Variants in MCTS1 observed in about 807,000 individuals in gnomAD.
MCTS1 encodes MCTS1 re-initiation and release factor.
For missense variants in MCTS1, 55 were observed against 128.6 expected (o/e 0.43, Z 2.77); for synonymous variants, 26 against 40.8 (o/e 0.64, Z 1.38).
At chrX:120,607,148 G>A (rs1199918927) in intron 3 of MCTS1, among the ~76,000 whole-genome samples, 2 of 110,469 alleles carry the variant, frequency 1.8e-5, no homozygotes, top group African/African-American at 3.3e-5. Context: ...AAATTGATAC[G>A]TCATAGCTGT....
intron 3 of MCTS1, among the ~76,000 whole-genome samples, chrX:120,607,279 C>A (rs182623653): frequency 9.0e-4 from 100 of 111,525 alleles, no homozygotes; most frequent in African/African-American, 3.1e-3. Flanking sequence ...ATGATCAAAT[C>A]AGGGTAATTA....
At chrX:120,608,980 A>C (rs1004930932) in intron 4 of MCTS1, among the ~76,000 whole-genome samples, 3 of 111,922 alleles carry the variant, frequency 2.7e-5, no homozygotes, top group African/African-American at 9.7e-5. Flanking sequence ...GATCGATTCA[A>C]CTCATGACAT....
rs149168536 is a variant in MCTS1 at position 120,604,675 on chromosome X, T to G, written c.11+428T>G. 9.8e-4 allele frequency: 1,013 copies of G among 1,034,987 alleles called. 7 individuals carry two copies. In the African/African-American group the frequency reaches 0.016, roughly 17 times the overall value. The allele number at this position is 1,034,987 out of a possible 1,213,427, so 85.3% of individuals were successfully genotyped here. A position where few individuals can be genotyped will look rare whatever the true frequency, so the allele number is the denominator to read the frequency against. On this transcript the variant is annotated intron_variant, in intron 1 of 5. Transcript: ENST00000371317. ...TTCCTGGGTCATGGGAGTGAAGGAG[T>G]CTGGGTGACAGGAAGCAAGCGGCCT...
rs1049663836 is a variant in MCTS1, at chrX:120,617,961, G to C, written c.*5697G>C. ...TTTGGTTCATGGGAAGCCATACTGCGGTGGCTTCCAAGGTTGGCCAACCTG... is the reference window on the plus strand; with the variant it reads ...TTTGGTTCATGGGAAGCCATACTGCCGTGGCTTCCAAGGTTGGCCAACCTG... On this transcript the variant is annotated 3_prime_UTR_variant, in exon 6 of 6. Coordinates refer to ENST00000371317, the MANE Select transcript of MCTS1 (RefSeq NM_014060.3). Among the ~76,000 whole-genome samples the C allele has an allele frequency of 8.9e-6, 1 of 112,244 alleles. No homozygotes were observed. Among genetic ancestry groups the C allele is most frequent in the Admixed American group, 9.4e-5 (1 of 10,602 alleles).
Position 120,604,929 on chromosome X carries a change from C to G in MCTS1, c.12-478C>G, listed in dbSNP as rs1405468929. On this transcript the variant is annotated intron_variant, in intron 1 of 5. Transcript: ENST00000371317. ...TAGGGATCTTAGAAATCATTATTAT[C>G]ATCACTTAAAAAAAATCTCAGCAGA... The G allele has an allele frequency of 1.2e-5, 13 of 1,081,584 alleles. No homozygotes were observed. The East Asian group carries it at 4.6e-4, about 39-fold the overall frequency. The allele number at this position is 1,081,584 out of a possible 1,213,427, so 89.1% of individuals were successfully genotyped here.
Position 120,612,273 on chromosome X carries a change from A to T in MCTS1, c.*9A>T, listed in dbSNP as rs1926705126. 1 of 1,167,690 alleles carries T rather than the reference A, an allele frequency of 8.6e-7. No individual in the cohort carries two copies. The highest frequency in any genetic ancestry group is 1.8e-5 in the African/African-American group (1 of 56,806). On this transcript the variant is annotated 3_prime_UTR_variant, in exon 6 of 6. Coordinates refer to ENST00000371317, the MANE Select transcript of MCTS1 (RefSeq NM_014060.3). ...TGAAGACATATAAATGAGCCTCAGA[A>T]GGAATGCACTTGGGCTAAATATGGA...
In MCTS1 at chrX:120,614,109, C is replaced by T. The variant is rs1235162666; in HGVS notation, c.*1845C>T. Reference sequence around the variant, plus strand: ...GAGAGAGATCATTTGGCTGGCTGTTCCAGCTGGGTCTCCCAGGATGTAACA... The same window carrying T: ...GAGAGAGATCATTTGGCTGGCTGTTTCAGCTGGGTCTCCCAGGATGTAACA... On this transcript the variant is annotated 3_prime_UTR_variant, in exon 6 of 6. Transcript: ENST00000371317. Among the ~76,000 whole-genome samples, 1 of 112,170 alleles carries T rather than the reference C, an allele frequency of 8.9e-6. No homozygotes were observed. The highest frequency in any genetic ancestry group is 1.9e-5 in the Non-Finnish European group (1 of 53,258).
rs2147377858 is a variant in MCTS1 at position 120,616,645 on chromosome X, TTAA to T, written c.*4387_*4389del. On this transcript the variant is annotated 3_prime_UTR_variant, in exon 6 of 6. Transcript: ENST00000371317. ...AGGAGATGATTCACTGGAATGTCTC[TTAA>T]TAATACCATGTTCATTAAGAATAGG... 8.9e-6 allele frequency among the ~76,000 whole-genome samples: 1 copy of T among 112,093 alleles called. No homozygotes were observed. The highest frequency in any genetic ancestry group is 2.8e-4 in the East Asian group (1 of 3,595).
In MCTS1 at chrX:120,614,218, C is replaced by T. The variant is rs775034311; in HGVS notation, c.*1954C>T. On this transcript the variant is annotated 3_prime_UTR_variant, in exon 6 of 6. Transcript: ENST00000371317. ...AAACTTGAGAGACTTGGAGATTCCC[C>T]AGTTAGAATATAAATGTATTAATTC... Among the ~76,000 whole-genome samples, 4 of 112,107 alleles carry T rather than the reference C, an allele frequency of 3.6e-5. No homozygotes were observed. In the East Asian group the frequency reaches 1.1e-3, roughly 31 times the overall value.
chrX:120,609,844 A>G (rs1349649686), intron 4 of MCTS1, among the ~76,000 whole-genome samples: 1 of 112,306 alleles, frequency 8.9e-6, no homozygotes, highest in Admixed American at 9.5e-5. Flanking sequence ...AAAATGGTAC[A>G]GAGAGGTCTT....
At chrX:120,608,552 T>G in intron 4 of MCTS1, 194 bp downstream of exon 4, 7 of 405,324 alleles carry the variant, frequency 1.7e-5, no homozygotes, top group Non-Finnish European at 2.7e-5. Flanking sequence ...TATCTCATCT[T>G]AGGTCGTTTC....
Position 120,617,383 on chromosome X carries a change from G to C in MCTS1, c.*5119G>C, listed in dbSNP as rs1926886972. Among the ~76,000 whole-genome samples, 1 of 111,031 alleles carries C rather than the reference G, an allele frequency of 9.0e-6. No individual in the cohort carries two copies. The highest frequency in any genetic ancestry group is 3.3e-5 in the African/African-American group (1 of 30,534). On this transcript the variant is annotated 3_prime_UTR_variant, in exon 6 of 6. Transcript: ENST00000371317. ...ATTTTTGTATTTTTAGTAGAGACAGGGTTTCACCATGTTGGCCAGGCTGGT... is the reference window on the plus strand; with the variant it reads ...ATTTTTGTATTTTTAGTAGAGACAGCGTTTCACCATGTTGGCCAGGCTGGT...
chrX:120,614,205 C>T lies in MCTS1; in HGVS notation c.*1941C>T, dbSNP rs1351138915. On this transcript the variant is annotated 3_prime_UTR_variant, in exon 6 of 6. Coordinates refer to ENST00000371317, the MANE Select transcript of MCTS1 (RefSeq NM_014060.3). ...TTTCCCACTGATGAAACTTGAGAGA[C>T]TTGGAGATTCCCCAGTTAGAATATA... 8.9e-6 allele frequency among the ~76,000 whole-genome samples: 1 copy of T among 112,174 alleles called. No individual in the cohort carries two copies. Among genetic ancestry groups the T allele is most frequent in the Non-Finnish European group, 1.9e-5 (1 of 53,274 alleles).
chrX:120,618,987 A>G lies in MCTS1; in HGVS notation c.*6723A>G, dbSNP rs1926935616. Among the ~76,000 whole-genome samples, 2 of 112,141 alleles carry G rather than the reference A, an allele frequency of 1.8e-5. No individual in the cohort carries two copies. The highest frequency in any genetic ancestry group is 6.5e-5 in the African/African-American group (2 of 30,833). ...GCGGTTTTTGCTGATATAAAGACAA[A>G]CATCTTGATTAAAGTGTAGGGAGAT... is the stretch of plus-strand genomic sequence containing the variant. On this transcript the variant is annotated 3_prime_UTR_variant, in exon 6 of 6. Transcript: ENST00000371317.
chrX:120,615,644 T>TA lies in MCTS1; in HGVS notation c.*3390dup, dbSNP rs933256718. On this transcript the variant is annotated 3_prime_UTR_variant, in exon 6 of 6. Coordinates refer to ENST00000371317, the MANE Select transcript of MCTS1 (RefSeq NM_014060.3). Reference sequence around the variant, plus strand: ...CCATAGATTGTATCCAATGTGAGGGTAAAAAAAAAATCCCAGATGTCTTGG... The same window carrying TA: ...CCATAGATTGTATCCAATGTGAGGGTAAAAAAAAAAATCCCAGATGTCTTGG... Among the ~76,000 whole-genome samples the TA allele has an allele frequency of 3.5e-4, 38 of 108,236 alleles. No individual in the cohort carries two copies. The highest frequency in any genetic ancestry group is 4.7e-3 in the Middle Eastern group (1 of 214). The allele number at this position is 108,236 out of a possible 115,157, so 94.0% of individuals were successfully genotyped here. A position where few individuals can be genotyped will look rare whatever the true frequency, so the allele number is the denominator to read the frequency against.
At chrX:120,605,208 A>T (rs1164213900) in intron 1 of MCTS1, among the ~76,000 whole-genome samples, 199 bp from the exon 2 acceptor site, 1 of 111,837 alleles carries the variant, frequency 8.9e-6, no homozygotes, top group Non-Finnish European at 1.9e-5. Flanking sequence ...GTTTATTTCA[A>T]TATTGTATTA....
rs950112479 is a variant in MCTS1, at chrX:120,614,412, C to T, written c.*2148C>T. ...CATTAATTAGAATGCTTATCTCTGC[C>T]AAAATCTCATCTCTTTCCTAGCCCA... is the stretch of plus-strand genomic sequence containing the variant. On this transcript the variant is annotated 3_prime_UTR_variant, in exon 6 of 6. Transcript: ENST00000371317. Among the ~76,000 whole-genome samples, 13 of 111,848 alleles carry T rather than the reference C, an allele frequency of 1.2e-4. No individual in the cohort carries two copies. Among genetic ancestry groups the T allele is most frequent in the Non-Finnish European group, 2.3e-4 (12 of 53,161 alleles).
chrX:120,607,241 G>T (rs1019383579), intron 3 of MCTS1, among the ~76,000 whole-genome samples: 4 of 111,217 alleles, frequency 3.6e-5, no homozygotes, highest in African/African-American at 1.3e-4. Flanking sequence ...GGGTACATGT[G>T]ATATTTGATA....
In MCTS1 at chrX:120,615,070, A is replaced by G. The variant is rs1375741350; in HGVS notation, c.*2806A>G. Among the ~76,000 whole-genome samples, 1 of 111,675 alleles carries G rather than the reference A, an allele frequency of 9.0e-6. No individual in the cohort carries two copies. Among genetic ancestry groups the G allele is most frequent in the Non-Finnish European group, 1.9e-5 (1 of 53,116 alleles). On this transcript the variant is annotated 3_prime_UTR_variant, in exon 6 of 6. Coordinates refer to ENST00000371317, the MANE Select transcript of MCTS1 (RefSeq NM_014060.3). Reference sequence around the variant, plus strand: ...TCTGAGGCCTCTGCTCATCACTGTTAATCAGGGATGTCACTCTACATGTGT... The same window carrying G: ...TCTGAGGCCTCTGCTCATCACTGTTGATCAGGGATGTCACTCTACATGTGT...
Sources: gnomAD v4.1 joint callset for allele counts (sites outside exome capture counted in the v4.1 genomes callset) on GRCh38, gnomAD v4.1.1 for gene constraint, MANE v1.5 for transcripts, NCBI Gene and HGNC (gene_info 2026-07-23, HGNC 2026-07-21) for gene names.